RNF175: variants seen among roughly 807,000 people sequenced by gnomAD.
RNF175 encodes the protein ring finger protein 175.
A neutral mutation model predicts 50.0 loss-of-function variants in RNF175; 38 were observed. The ratio of observed to expected loss-of-function variants is 0.76; its 90% CI spans 0.59 to 1.00. The LOEUF (loss-of-function observed/expected upper bound fraction) is 1.00. Ranked by LOEUF, RNF175 falls within the 50% of genes least tolerant of loss-of-function variation. The probability of loss-of-function intolerance (pLI) is 0.00; values close to 1 mark genes in which losing one functional copy is unlikely to be tolerated. For missense variants in RNF175, 388 were observed against 409.6 expected (o/e 0.95, Z 0.46); for synonymous variants, 155 against 146.1 (o/e 1.06, Z -0.44).
chr4:153,718,283 A>T (rs1349913282), intron 6 of RNF175, among the ~76,000 whole-genome samples: 1 of 122,392 alleles, frequency 8.2e-6, no homozygotes, highest in Non-Finnish European at 1.6e-5. Flanking sequence ...ACTCCCAGAG[A>T]TTCTGATTTA....
At chr4:153,736,815 C>T (rs1302407318) in intron 3 of RNF175, among the ~76,000 whole-genome samples, 1 of 152,044 alleles carries the variant, frequency 6.6e-6, no homozygotes, top group African/African-American at 2.4e-5. Context: ...TGTTTGTAGC[C>T]TTTTCTTTTT....
At chr4:153,723,694 A>G (rs917499190) in intron 4 of RNF175, among the ~76,000 whole-genome samples, 2 of 152,144 alleles carry the variant, frequency 1.3e-5, no homozygotes, top group African/African-American at 2.4e-5. Context: ...TTCTTTTTAA[A>G]TTTGTCTACG....
chr4:153,732,936 A>G (rs182604723), intron 3 of RNF175, among the ~76,000 whole-genome samples: 254 of 152,344 alleles, frequency 1.7e-3, no homozygotes, highest in African/African-American at 6.0e-3. Flanking sequence ...CCAGGTATTT[A>G]GTAGTATCCC....
intron 3 of RNF175, among the ~76,000 whole-genome samples, chr4:153,732,065 C>G (rs1380547442): frequency 1.3e-5 from 2 of 152,030 alleles, no homozygotes; most frequent in Non-Finnish European, 2.9e-5. Context: ...AACCCCATCT[C>G]TACTAAAAAT....
chr4:153,736,572 T>C (rs1016589079), intron 3 of RNF175, among the ~76,000 whole-genome samples: 4 of 152,188 alleles, frequency 2.6e-5, no homozygotes, highest in Non-Finnish European at 5.9e-5. Flanking sequence ...CTGGGAGAGA[T>C]TGTAGAGAAC....
chr4:153,742,892 T>C (rs1009669902), intron 3 of RNF175, among the ~76,000 whole-genome samples: 2 of 151,748 alleles, frequency 1.3e-5, no homozygotes, highest in Non-Finnish European at 2.9e-5. Context: ...TATCAAGTCA[T>C]GGAGATAAAT....
intron 4 of RNF175, among the ~76,000 whole-genome samples, chr4:153,726,991 T>C (rs1360077726): frequency 1.3e-5 from 2 of 152,220 alleles, no homozygotes; most frequent in African/African-American, 4.8e-5. Flanking sequence ...AAAGTTCCTC[T>C]GCATTGCACG....
chr4:153,735,227 A>ATTT (rs3068858), intron 3 of RNF175, among the ~76,000 whole-genome samples: 21,791 of 140,932 alleles, frequency 0.15, 2,077 homozygotes, highest in Non-Finnish European at 0.22. Flanking sequence ...GTCTGTGTCT[A>ATTT]TTTTTTTTTT....
intron 3 of RNF175, among the ~76,000 whole-genome samples, chr4:153,742,752 A>G (rs553016388): frequency 6.6e-6 from 1 of 151,750 alleles, no homozygotes; most frequent in African/African-American, 2.4e-5. Context: ...GAGGTAATGT[A>G]CAGAAAGCAC....
chr4:153,731,360 T>C (rs1438912490), intron 3 of RNF175, among the ~76,000 whole-genome samples: 1 of 152,184 alleles, frequency 6.6e-6, no homozygotes, highest in Non-Finnish European at 1.5e-5. Context: ...AACTCATTAA[T>C]AATGCCACAG....
chr4:153,746,439 C>G (rs1026652725), intron 3 of RNF175, among the ~76,000 whole-genome samples: 1 of 135,160 alleles, frequency 7.4e-6, no homozygotes, highest in Non-Finnish European at 1.7e-5. Context: ...ATGTCCGTAG[C>G]TCTCCTAGGC....
At chr4:153,742,592 G>A (rs1739728746) in intron 3 of RNF175, among the ~76,000 whole-genome samples, 1 of 152,082 alleles carries the variant, frequency 6.6e-6, no homozygotes, top group Admixed American at 6.6e-5. Flanking sequence ...TATTTAATGA[G>A]CTTGTTCTTG....
chr4:153,729,136 C>A (rs1171543109), intron 3 of RNF175, among the ~76,000 whole-genome samples: 1 of 152,216 alleles, frequency 6.6e-6, no homozygotes, highest in Admixed American at 6.5e-5. Flanking sequence ...CTAGTCACCC[C>A]TCTTGGGAAA....
chr4:153,753,302 G>A (rs899622242), intron 1 of RNF175, among the ~76,000 whole-genome samples: 1 of 152,098 alleles, frequency 6.6e-6, no homozygotes, highest in South Asian at 2.1e-4. Flanking sequence ...TCAGTTTAAG[G>A]TTTGGTGGCC....
intron 3 of RNF175, among the ~76,000 whole-genome samples, chr4:153,732,747 G>A (rs1298725548): frequency 6.6e-6 from 1 of 152,204 alleles, no homozygotes; most frequent in Non-Finnish European, 1.5e-5. Flanking sequence ...GGTGGAGAGG[G>A]TGATGTTGAA....
rs554858143 is a variant in RNF175, at chr4:153,751,442, A to C, written c.100T>G (p.Trp34Gly). 103 of 1,550,814 alleles carry C rather than the reference A, an allele frequency of 6.6e-5. 2 individuals carry two copies. The South Asian group carries it at 1.2e-3, about 18-fold the overall frequency. ...TAAAAAATACTAATTACTTACTTCC[A>C]TGTGTCTTCTGCAGAAAGCTTTGTA... Reference protein sequence around the residue: ...SHTKLSAEDTWNLQQERMYKM... With the variant: ...SHTKLSAEDTGNLQQERMYKM... The change falls in exon 2 of 9, where the codon TGG (tryptophan) becomes GGG (glycine). Residue 34 changes from tryptophan to glycine, a missense_variant. Transcript: ENST00000347063.
rs1223091861 is a variant in RNF175, at chr4:153,715,513, C to T, written c.764+16G>A. ...AGGCTTGATGAAGCCCAAACAATTT[C>T]CTTTGAAAAGGATACACATGATTAC... On this transcript the variant is annotated intron_variant, in intron 7 of 8. Transcript: ENST00000347063. The T allele has an allele frequency of 6.4e-7, 1 of 1,568,734 alleles. No homozygotes were observed.
chr4:153,711,445 C>T lies in RNF175; in HGVS notation c.867-956G>A, dbSNP rs565617486. Among the ~76,000 whole-genome samples, 6 of 152,202 alleles carry T rather than the reference C, an allele frequency of 3.9e-5. No homozygotes were observed. In the East Asian group the frequency reaches 9.7e-4, roughly 25 times the overall value. On this transcript the variant is annotated intron_variant, in intron 8 of 8. Transcript: ENST00000347063. ...CTGATGTTGCCTCCTTCTCTGATGC[C>T]CTCCTTGAATCCCTCCCTGATCTGC...
At chr4:153,720,567 G>A (rs1738275141) in intron 5 of RNF175, 2 of 356,648 alleles carry the variant, frequency 5.6e-6, no homozygotes, top group Non-Finnish European at 1.1e-5. Flanking sequence ...GCCTAGACAA[G>A]CTGACTCTGA....
Sources: allele counts gnomAD v4.1 joint callset (sites outside exome capture counted in the v4.1 genomes callset), GRCh38; gene constraint gnomAD v4.1.1; transcripts MANE v1.5; gene names NCBI Gene and HGNC (gene_info 2026-07-23, HGNC 2026-07-21).